PISD: variants seen among roughly 807,000 people sequenced by gnomAD.
PISD encodes the protein phosphatidylserine decarboxylase.
A neutral mutation model predicts 43.5 loss-of-function variants in PISD; 31 were observed. The observed-to-expected ratio is 0.71, with a 90% CI of 0.54 to 0.96. PISD has a LOEUF of 0.96. Ranked by LOEUF, PISD falls within the 40% of genes least tolerant of loss-of-function variation. The pLI is 0.00. For missense variants in PISD, 523 were observed against 548.4 expected (o/e 0.95, Z 0.46); for synonymous variants, 259 against 228.7 (o/e 1.13, Z -1.20).
At chr22:31,627,337 T>G (rs933951284) in intron 3 of PISD, among the ~76,000 whole-genome samples, 14 of 152,188 alleles carry the variant, frequency 9.2e-5, no homozygotes, top group Non-Finnish European at 1.6e-4. Context: ...ACCAGGAGAT[T>G]GGCACAGGCA....
intron 3 of PISD, among the ~76,000 whole-genome samples, chr22:31,636,912 G>A (rs1316126851): frequency 4.0e-5 from 6 of 151,380 alleles, no homozygotes; most frequent in Non-Finnish European, 5.9e-5. Context: ...TCCTGACCTC[G>A]TGATCCACCC....
Position 31,619,819 on chromosome 22 carries a change from G to C in PISD, c.1023C>G (p.Ser341Arg). The part of the protein sequence containing the change: ...IYFDRDLHTN[S>R]PRHSKGSYND... Reference sequence around the variant, plus strand: ...TGTAGGAGCCCTTGCTGTGCCTTGGGCTGTTTGTGTGCAGGTCCTGTGGTG... The same window carrying C: ...TGTAGGAGCCCTTGCTGTGCCTTGGCCTGTTTGTGTGCAGGTCCTGTGGTG... The change falls in exon 8 of 8, where the codon AGC becomes AGG. Residue 341 changes from serine (S) to arginine (R), a missense_variant. Coordinates refer to ENST00000439502, the MANE Select transcript of PISD (RefSeq NM_001326411.2). 1 of 1,613,666 alleles carries C rather than the reference G, an allele frequency of 6.2e-7. No individual in the cohort carries two copies.
At chr22:31,654,862 G>T (rs2074122799) in intron 1 of PISD, among the ~76,000 whole-genome samples, 1 of 152,084 alleles carries the variant, frequency 6.6e-6, no homozygotes, top group African/African-American at 2.4e-5. Context: ...AATTGCCTGA[G>T]CTCAGGAGTT....
At chr22:31,620,737 A>G (rs753772634) in intron 6 of PISD, 24 bp from the exon 7 acceptor site, 1 of 1,613,286 alleles carries the variant, frequency 6.2e-7, no homozygotes, top group South Asian at 1.1e-5. Context: ...GAATGCCGCT[A>G]CTCCCCGTCC....
chr22:31,659,786 G>A (rs1261133508), intron 1 of PISD, among the ~76,000 whole-genome samples: 1 of 152,032 alleles, frequency 6.6e-6, no homozygotes, highest in African/African-American at 2.4e-5. Context: ...GTTTCAGCAT[G>A]TTGGCCAGGC....
At chr22:31,654,145 C>T (rs1319369875) in intron 1 of PISD, among the ~76,000 whole-genome samples, 1 of 152,170 alleles carries the variant, frequency 6.6e-6, no homozygotes, top group African/African-American at 2.4e-5. Context: ...TGCATGTTGC[C>T]AACACCAATG....
intron 3 of PISD, among the ~76,000 whole-genome samples, chr22:31,632,837 T>C (rs1280668496): frequency 6.6e-6 from 1 of 152,234 alleles, no homozygotes; most frequent in Non-Finnish European, 1.5e-5. Context: ...TTTGGGGTCT[T>C]TAAAAGTTCG....
chr22:31,648,463 G>T (rs1448967514), intron 2 of PISD, among the ~76,000 whole-genome samples, 187 bp from the exon 3 acceptor site: 3 of 151,972 alleles, frequency 2.0e-5, no homozygotes, highest in Non-Finnish European at 4.4e-5. Context: ...GGATCACGAG[G>T]TCAGGAGATC....
intron 3 of PISD, among the ~76,000 whole-genome samples, chr22:31,628,650 G>C (rs112421502): frequency 6.6e-6 from 1 of 152,210 alleles, no homozygotes; most frequent in East Asian, 1.9e-4. Context: ...CCTCTGCCCT[G>C]AGAGCAGGGA....
intron 1 of PISD, among the ~76,000 whole-genome samples, chr22:31,653,158 A>AC (rs1332503041): frequency 2.6e-5 from 4 of 151,966 alleles, no homozygotes; most frequent in Non-Finnish European, 5.9e-5. Context: ...CATGACGAGC[A>AC]CCACCCCCAA....
intron 3 of PISD, among the ~76,000 whole-genome samples, chr22:31,645,956 T>C (rs547375701): frequency 2.0e-5 from 3 of 151,720 alleles, no homozygotes; most frequent in African/African-American, 7.3e-5. Flanking sequence ...TCAGTATATA[T>C]ATATATACAA....
At chr22:31,624,996 G>T (rs982468454) in intron 3 of PISD, among the ~76,000 whole-genome samples, 1 of 152,166 alleles carries the variant, frequency 6.6e-6, no homozygotes, top group Non-Finnish European at 1.5e-5. Flanking sequence ...AGACCACACT[G>T]CCATCCACTC....
chr22:31,635,015 A>C (rs1910805841), intron 3 of PISD, among the ~76,000 whole-genome samples: 1 of 151,534 alleles, frequency 6.6e-6, no homozygotes, highest in Non-Finnish European at 1.5e-5. Flanking sequence ...AAAAATACAA[A>C]ATTACTCAGG....
At chr22:31,625,522 T>C in intron 3 of PISD, 1 of 599,898 alleles carries the variant, frequency 1.7e-6, no homozygotes, top group Non-Finnish European at 3.0e-6. Context: ...GCATGAGGTC[T>C]GAGGCTCGCT....
intron 3 of PISD, among the ~76,000 whole-genome samples, chr22:31,643,890 T>C (rs1029430150): frequency 8.6e-5 from 13 of 152,000 alleles, no homozygotes; most frequent in African/African-American, 3.1e-4. Context: ...CTACTAAAAA[T>C]ACAAAAAATT....
intron 3 of PISD, chr22:31,623,865 C>A (rs756338100): frequency 1.2e-6 from 2 of 1,606,912 alleles, no homozygotes; most frequent in Non-Finnish European, 1.7e-6. Flanking sequence ...GGGCACAGGT[C>A]CATGCACAGC....
rs1285317785 is a variant in PISD at position 31,619,843 on chromosome 22, T to C, written c.1006-7A>G. 1 of 1,604,772 alleles carries C rather than the reference T, an allele frequency of 6.2e-7. No homozygotes were observed. Among genetic ancestry groups the C allele is most frequent in the East Asian group, 2.2e-5 (1 of 44,758 alleles). ...GGCTGTTTGTGTGCAGGTCCTGTGG[T>C]GATAGGCTGGGGGTCAGTGGGGCCC... On this transcript the variant is annotated splice_region_variant and splice_polypyrimidine_tract_variant and intron_variant, in intron 7 of 7. Transcript: ENST00000439502.
chr22:31,652,563 T>C (rs146601673), intron 1 of PISD, among the ~76,000 whole-genome samples: 2,181 of 151,486 alleles, frequency 0.014, 51 homozygotes, highest in African/African-American at 0.049. Flanking sequence ...TCCCAGCACT[T>C]TGGGAGGCCG....
intron 3 of PISD, among the ~76,000 whole-genome samples, chr22:31,637,148 A>T (rs2073479546): frequency 2.5e-4 from 4 of 16,180 alleles, no homozygotes; most frequent in Admixed American, 8.9e-4. Flanking sequence ...TAAATTAAAA[A>T]AAAAAAAAAA....
Sources: allele counts gnomAD v4.1 joint callset (sites outside exome capture counted in the v4.1 genomes callset), GRCh38; gene constraint gnomAD v4.1.1; transcripts MANE v1.5; gene names NCBI Gene and HGNC (gene_info 2026-07-23, HGNC 2026-07-21).